Variants in EMID1 observed in about 807,000 individuals in gnomAD.
EMID1 encodes the protein EMI domain containing 1, also known as EMI domain-containing protein 1.
Under a neutral mutation model 60.6 loss-of-function variants are expected in EMID1, and 40 were observed. The ratio of observed to expected loss-of-function variants is 0.66; its 90% CI spans 0.51 to 0.86. The LOEUF (loss-of-function observed/expected upper bound fraction) is 0.86, where lower values mean the gene tolerates loss of function less well. EMID1 is among the 40% of genes least tolerant of loss of function. EMID1 has a pLI of 0.00. For missense variants in EMID1, 585 were observed against 597.1 expected (o/e 0.98, Z 0.21); for synonymous variants, 242 against 231.0 (o/e 1.05, Z -0.43).
chr22:29,216,273 C>T (rs1355376090), intron 3 of EMID1: 1 of 984,058 alleles, frequency 1.0e-6, no homozygotes, highest in African/African-American at 1.7e-5. Context: ...CCTGGGCCTC[C>T]CAGGAGCCTG....
chr22:29,247,948 C>CTT (rs34056530), intron 13 of EMID1, among the ~76,000 whole-genome samples: 5 of 139,742 alleles, frequency 3.6e-5, no homozygotes, highest in Admixed American at 7.3e-5. Context: ...TTTTTTTTTA[C>CTT]TTTTTTTTTT....
At chr22:29,239,298 A>C (rs1261563293) in intron 12 of EMID1, among the ~76,000 whole-genome samples, 1 of 120,890 alleles carries the variant, frequency 8.3e-6, no homozygotes, top group Non-Finnish European at 1.7e-5. Flanking sequence ...TTTTAAAAAA[A>C]ATTTTTTTTT....
At chr22:29,245,720 G>A (rs911267442) in intron 13 of EMID1, among the ~76,000 whole-genome samples, 5 of 152,192 alleles carry the variant, frequency 3.3e-5, no homozygotes, top group African/African-American at 9.6e-5. Context: ...AGTGACACCT[G>A]GTGGTCATGA....
chr22:29,248,106 C>T (rs1164440889), intron 13 of EMID1, among the ~76,000 whole-genome samples: 1 of 150,688 alleles, frequency 6.6e-6, no homozygotes, highest in East Asian at 2.0e-4. Context: ...GTGAACGCCA[C>T]GATGCCCAGC....
At chr22:29,211,680 T>C (rs1442540321) in intron 1 of EMID1, among the ~76,000 whole-genome samples, 3 of 152,254 alleles carry the variant, frequency 2.0e-5, no homozygotes, top group Non-Finnish European at 4.4e-5. Context: ...AGGCACTGTG[T>C]GTTTGCGAGC....
chr22:29,230,995 A>ACC, intron 5 of EMID1, 25 bp from the exon 6 acceptor site: 1 of 1,605,956 alleles, frequency 6.2e-7, no homozygotes, highest in Non-Finnish European at 8.5e-7. Context: ...CCTGGTACCC[A>ACC]CCCCGTCCCT....
At position 29,258,866 on chromosome 22, in the gene EMID1, C is replaced by G; in HGVS notation, c.1254C>G (p.Ser418Arg). The G allele has an allele frequency of 6.2e-7, 1 of 1,613,148 alleles. No homozygotes were observed. ...GAGPAGTGTP[S>R]LLRGKRGGHA... is the part of the protein sequence containing the mutation. Reference sequence around the variant, plus strand: ...GCCCTGCCGGCACAGGCACCCCCAGCCTCCTTCGGGGCAAGAGGGGCGGAC... The same window carrying G: ...GCCCTGCCGGCACAGGCACCCCCAGGCTCCTTCGGGGCAAGAGGGGCGGAC... The change falls in exon 15 of 15, where the codon AGC (serine) becomes AGG (arginine). Residue 418 changes from serine (S) to arginine (R), a missense_variant. Coordinates refer to ENST00000334018, the MANE Select transcript of EMID1 (RefSeq NM_133455.4).
At chr22:29,209,109 G>T (rs186561067) in intron 1 of EMID1, among the ~76,000 whole-genome samples, 19 of 152,234 alleles carry the variant, frequency 1.2e-4, no homozygotes, top group Admixed American at 1.0e-3. Flanking sequence ...CCTTGGCCCC[G>T]GGCCCGCTTG....
chr22:29,226,078 A>G (rs1350727632), intron 4 of EMID1, among the ~76,000 whole-genome samples: 1 of 151,966 alleles, frequency 6.6e-6, no homozygotes, highest in Admixed American at 6.5e-5. Context: ...CGGGACAGTA[A>G]GTGTCGAGGC....
In EMID1 at chr22:29,215,033, G is replaced by A; in HGVS notation, c.209G>A (p.Gly70Glu). The A allele has an allele frequency of 1.3e-6, 2 of 1,536,526 alleles. No homozygotes were observed. Among genetic ancestry groups the A allele is most frequent in the Non-Finnish European group, 1.8e-6 (2 of 1,136,424 alleles). ...QNCPWPMSCP[G>E]SSYRTVVRPT... ...TGCCCCTGGCCCATGAGCTGTCCGGGGAGCAGGTAAATGAGGTGGAGAAGG... is the reference window on the plus strand; with the variant it reads ...TGCCCCTGGCCCATGAGCTGTCCGGAGAGCAGGTAAATGAGGTGGAGAAGG... Residue 70 changes from glycine (G) to glutamate (E), a missense_variant, in exon 2 of 15, where the codon GGG becomes GAG. By Grantham distance (98) the Gly-to-Glu change is moderately conservative. Transcript: ENST00000334018.
rs773752764 is a variant in EMID1 at position 29,254,276 on chromosome 22, T to C, written c.1193T>C (p.Ile398Thr). Residue 398 changes from isoleucine (I) to threonine (T), a missense_variant, in exon 14 of 15, where the codon ATT becomes ACT. Physicochemically the swap from Ile to Thr is moderately conservative, Grantham distance 89. Coordinates refer to ENST00000334018, the MANE Select transcript of EMID1 (RefSeq NM_133455.4). ...AERVLILETMIGLYEPELGSG... is the reference protein window; with the variant it reads ...AERVLILETMTGLYEPELGSG... ...AGGGTTTTAATCTTGGAAACAATGA[T>C]TGGGCTCTATGGTGAGTAGAGACAG... 1.8e-5 allele frequency: 29 copies of C among 1,613,950 alleles called. No homozygotes were observed. The highest frequency in any genetic ancestry group is 6.7e-5 in the Admixed American group (4 of 60,006).
rs1360122065 is a variant in EMID1, at chr22:29,231,589, C to T, written c.587-4C>T. 1 of 1,545,594 alleles carries T rather than the reference C, an allele frequency of 6.5e-7. No homozygotes were observed. Among genetic ancestry groups the T allele is most frequent in the Non-Finnish European group, 8.7e-7 (1 of 1,143,696 alleles). Reference sequence around the variant, plus strand: ...CTGCCAGTCTGATATGCTTTACCCCCCAGACCAAGTCGGTGCTTGGGGGCT... The same window carrying T: ...CTGCCAGTCTGATATGCTTTACCCCTCAGACCAAGTCGGTGCTTGGGGGCT... On this transcript the variant is annotated splice_region_variant and splice_polypyrimidine_tract_variant and intron_variant, in intron 6 of 14. Transcript: ENST00000334018.
chr22:29,247,495 T>C (rs1327558995), intron 13 of EMID1, among the ~76,000 whole-genome samples: 1 of 152,230 alleles, frequency 6.6e-6, no homozygotes, highest in Admixed American at 6.5e-5. Context: ...GTGTAGCCAA[T>C]TGCTCCCAGG....
At chr22:29,215,126 G>T in intron 2 of EMID1, 87 bp downstream of exon 2, 6 of 1,448,240 alleles carry the variant, frequency 4.1e-6, no homozygotes, top group Non-Finnish European at 4.6e-6. Flanking sequence ...CATGGGGAGT[G>T]TGGGGGAAGA....
intron 3 of EMID1, among the ~76,000 whole-genome samples, chr22:29,221,249 GGGA>G (rs132385): frequency 0.51 from 77,335 of 151,528 alleles, 22,297 homozygotes; most frequent in Admixed American, 0.67. Flanking sequence ...GTTGAGGCTA[GGGA>G]GGAGCCCTTC....
chr22:29,213,586 G>A (rs562251646), intron 1 of EMID1, among the ~76,000 whole-genome samples: 1 of 152,236 alleles, frequency 6.6e-6, no homozygotes, highest in African/African-American at 2.4e-5. Context: ...AGCGAGTGGG[G>A]GCTGCACTGT....
chr22:29,254,432 C>G (rs142997650), intron 14 of EMID1, 145 bp downstream of exon 14: 1 of 737,412 alleles, frequency 1.4e-6, no homozygotes, highest in Admixed American at 2.2e-5. Flanking sequence ...TGAGAGGCCA[C>G]AACCACCCTT....
intron 13 of EMID1, among the ~76,000 whole-genome samples, chr22:29,244,510 G>A (rs180811192): frequency 2.3e-4 from 35 of 152,124 alleles, no homozygotes; most frequent in African/African-American, 7.2e-4. Flanking sequence ...ATGGTGGTAC[G>A]CACCTGTAGT....
intron 13 of EMID1, among the ~76,000 whole-genome samples, chr22:29,251,507 G>T (rs1296572158): frequency 6.6e-6 from 1 of 150,902 alleles, no homozygotes; most frequent in Admixed American, 6.6e-5. Context: ...AGCCCCCCCG[G>T]CGTTTTTTGA....
Sources: allele counts gnomAD v4.1 joint callset (sites outside exome capture counted in the v4.1 genomes callset), GRCh38; gene constraint gnomAD v4.1.1; transcripts MANE v1.5; gene names NCBI Gene and HGNC (gene_info 2026-07-23, HGNC 2026-07-21).